Variants in TOPBP1 observed in about 807,000 individuals in gnomAD.
TOPBP1 encodes DNA topoisomerase II binding protein 1, also known as DNA topoisomerase 2-binding protein 1.
TOPBP1 carries 28 observed loss-of-function variants against 167.7 expected under a neutral mutation model. The ratio of observed to expected loss-of-function variants is 0.17; its 90% CI spans 0.12 to 0.23. The LOEUF (loss-of-function observed/expected upper bound fraction) is 0.23, where lower values mean the gene tolerates loss of function less well. TOPBP1 is among the 10% of genes least tolerant of loss of function. The pLI, the probability that TOPBP1 is intolerant of heterozygous loss-of-function variation, is 1.00. For missense variants in TOPBP1, 1,554 were observed against 1,809.6 expected (o/e 0.86, Z 2.56); for synonymous variants, 598 against 611.4 (o/e 0.98, Z 0.32).
intron 3 of TOPBP1, 118 bp downstream of exon 3, chr3:133,658,898 A>G: frequency 8.9e-7 from 1 of 1,119,852 alleles, no homozygotes; most frequent in Non-Finnish European, 1.2e-6. Context: ...AACCAAAAGA[A>G]TTCCAATGTA....
At chr3:133,626,662 G>A (rs1935277082) in intron 16 of TOPBP1, among the ~76,000 whole-genome samples, 1 of 152,234 alleles carries the variant, frequency 6.6e-6, no homozygotes, top group Admixed American at 6.5e-5. Flanking sequence ...TGTTGGATTT[G>A]TGGTGCCTTT....
intron 21 of TOPBP1, among the ~76,000 whole-genome samples, chr3:133,617,687 C>T (rs906377959): frequency 6.6e-6 from 1 of 151,400 alleles, no homozygotes; most frequent in African/African-American, 2.4e-5. Flanking sequence ...AGAGATAAAT[C>T]TATATATCTA....
chr3:133,642,651 T>G (rs1414418707), intron 12 of TOPBP1, among the ~76,000 whole-genome samples: 1 of 152,220 alleles, frequency 6.6e-6, no homozygotes, highest in Non-Finnish European at 1.5e-5. Context: ...TCATGTCTTG[T>G]CCCTTTATTG....
At chr3:133,658,980 T>C (rs749194296) in intron 3 of TOPBP1, 36 bp downstream of exon 3, 17 of 1,551,908 alleles carry the variant, frequency 1.1e-5, no homozygotes, top group South Asian at 8.7e-5. Context: ...AACCAAAAAA[T>C]AGACTACCAA....
Position 133,601,098 on chromosome 3 carries a change from G to A in TOPBP1, c.*152C>T, listed in dbSNP as rs972219541. 2.6e-5 allele frequency: 14 copies of A among 542,748 alleles called. No homozygotes were observed. Among genetic ancestry groups the A allele is most frequent in the Admixed American group, 1.7e-4 (4 of 23,256 alleles). The allele number at this position is 542,748 out of a possible 1,614,324, so 33.6% of individuals were successfully genotyped here. On this transcript the variant is annotated 3_prime_UTR_variant, in exon 28 of 28. Transcript: ENST00000260810. ...AATATTTCAGTGATTACAATTTCAG[G>A]TGTTCAAAACTCAAGAAGGGTCATC...
chr3:133,603,062 A>T (rs1471461310), intron 27 of TOPBP1, among the ~76,000 whole-genome samples: 1 of 151,738 alleles, frequency 6.6e-6, no homozygotes, highest in East Asian at 1.9e-4. Context: ...CACCCAGCTA[A>T]TTTTTGTATT....
At chr3:133,620,857 G>A (rs1424065302) in intron 19 of TOPBP1, among the ~76,000 whole-genome samples, 1 of 152,136 alleles carries the variant, frequency 6.6e-6, no homozygotes, top group Non-Finnish European at 1.5e-5. Context: ...TTACAGGCAT[G>A]AGCCACCGTG....
Position 133,631,762 on chromosome 3 carries a change from C to G in TOPBP1, c.2521-3029G>C, listed in dbSNP as rs1180546598. On this transcript the variant is annotated intron_variant, in intron 14 of 27. Transcript: ENST00000260810. ...AAGTGATTCTCTTGCCTCAGTCTCTCGAGTAGCTGGGATTACAGGCATATG... is the reference window on the plus strand; with the variant it reads ...AAGTGATTCTCTTGCCTCAGTCTCTGGAGTAGCTGGGATTACAGGCATATG... 2.0e-5 allele frequency among the ~76,000 whole-genome samples: 3 copies of G among 152,182 alleles called. No homozygotes were observed. The South Asian group carries it at 6.2e-4, about 32-fold the overall frequency.
Position 133,628,831 on chromosome 3 carries a change from G to A in TOPBP1, c.2521-98C>T, listed in dbSNP as rs891539599. 11 of 1,245,274 alleles carry A rather than the reference G, an allele frequency of 8.8e-6. No homozygotes were observed. In the South Asian group the frequency reaches 1.7e-4, roughly 19 times the overall value. 77.1% of individuals were successfully genotyped at this position (1,245,274 alleles called of 1,614,324 possible). A position where few individuals can be genotyped will look rare whatever the true frequency, so the allele number is the denominator to read the frequency against. ...CAGGAAAAAGAAAGAGGAGGAGAGA[G>A]GGGTAAAGAGAGAGAAGGGGGAGAA... On this transcript the variant is annotated intron_variant, in intron 14 of 27. Coordinates refer to ENST00000260810, the MANE Select transcript of TOPBP1 (RefSeq NM_007027.4).
Position 133,618,331 on chromosome 3 carries a change from G to A in TOPBP1, c.3474C>T (p.Ala1158=), listed in dbSNP as rs760375434. The A allele has an allele frequency of 6.2e-7, 1 of 1,613,836 alleles. No homozygotes were observed. The change falls in exon 21 of 28, where the codon GCC becomes GCT. Residue 1158 remains alanine, a synonymous_variant. Transcript: ENST00000260810. ...GACAACTAGGCCACTGCAAATTGCT[G>A]GCAAGCCTTGCTCTCTCCTCCCTTG... The part of the protein sequence containing the change: ...PTAREERARL[A]SNLQWPSCPT...
At chr3:133,657,656 C>T in intron 4 of TOPBP1, 142 bp downstream of exon 4, 1 of 518,774 alleles carries the variant, frequency 1.9e-6, no homozygotes, top group Non-Finnish European at 3.1e-6. Context: ...TACATATATA[C>T]ACACTGTGGT....
At position 133,639,948 on chromosome 3, in the gene TOPBP1, A is replaced by G. The variant is rs1229655790; in HGVS notation, c.2233+11T>C. On this transcript the variant is annotated intron_variant, in intron 13 of 27. Transcript: ENST00000260810. ...TAAATATATATAAAAGAACAGAATA[A>G]AAGTATTAACCTTCTTTAGTTGAAT... 2.5e-6 allele frequency: 4 copies of G among 1,611,842 alleles called. No homozygotes were observed. The highest frequency in any genetic ancestry group is 3.4e-6 in the Non-Finnish European group (4 of 1,178,842).
At chr3:133,634,252 T>TACA (rs1251522882) in intron 14 of TOPBP1, among the ~76,000 whole-genome samples, 3 of 152,268 alleles carry the variant, frequency 2.0e-5, no homozygotes, top group Non-Finnish European at 4.4e-5. Flanking sequence ...CTCATGCCTG[T>TACA]AATCCCAGCA....
At chr3:133,654,645 T>C (rs536444403) in intron 6 of TOPBP1, among the ~76,000 whole-genome samples, 397 of 152,344 alleles carry the variant, frequency 2.6e-3, no homozygotes, top group Middle Eastern at 6.8e-3. Flanking sequence ...ACTCATCTTT[T>C]ATCAATTTGT....
intron 27 of TOPBP1, among the ~76,000 whole-genome samples, chr3:133,608,147 CCA>C (rs552140993): frequency 2.3e-3 from 346 of 152,168 alleles, no homozygotes; most frequent in Non-Finnish European, 3.9e-3. Flanking sequence ...CTTAAATTTA[CCA>C]CAGTGTCTAA....
rs1184118867 is a variant in TOPBP1, at chr3:133,638,126, T to C, written c.2270A>G (p.Asn757Ser). 2 of 1,613,834 alleles carry C rather than the reference T, an allele frequency of 1.2e-6. No individual in the cohort carries two copies. The highest frequency in any genetic ancestry group is 1.3e-5 in the African/African-American group (1 of 74,942). Residue 757 changes from asparagine (N) to serine (S), a missense_variant, in exon 14 of 28, where the codon AAT becomes AGT. This residue lies in a region of TOPBP1 where 1,197 missense variants were observed against 1,351.5 expected (regional missense o/e 0.89). Transcript: ENST00000260810. ...ATGCTCTGCAGTATCTGAATTTAGATTGATTCCATTTGTTATTTCTGTTTC... is the reference window on the plus strand; with the variant it reads ...ATGCTCTGCAGTATCTGAATTTAGACTGATTCCATTTGTTATTTCTGTTTC... The part of the protein sequence containing the change: ...SLETEITNGI[N>S]LNSDTAEHPG...
At position 133,640,236 on chromosome 3, in the gene TOPBP1, T is replaced by C. The variant is rs1395378007; in HGVS notation, c.2022-66A>G. ...CAATTAACCCGCAAAACTAACAAAATTTCCAACACAACAGTGTGGTTAGAG... is the reference window on the plus strand; with the variant it reads ...CAATTAACCCGCAAAACTAACAAAACTTCCAACACAACAGTGTGGTTAGAG... On this transcript the variant is annotated intron_variant, in intron 12 of 27. Coordinates refer to ENST00000260810, the MANE Select transcript of TOPBP1 (RefSeq NM_007027.4). 2.2e-6 allele frequency: 3 copies of C among 1,369,232 alleles called. No homozygotes were observed. In the African/African-American group the frequency reaches 4.3e-5, roughly 20 times the overall value. The allele number at this position is 1,369,232 out of a possible 1,614,324, so 84.8% of individuals were successfully genotyped here.
intron 17 of TOPBP1, 88 bp downstream of exon 17, chr3:133,623,964 G>C (rs2107788677): frequency 6.9e-7 from 1 of 1,446,926 alleles, no homozygotes; most frequent in African/African-American, 1.4e-5. Flanking sequence ...GTTCCATTGA[G>C]AGTGAAAACT....
At chr3:133,632,593 T>C (rs1237716395) in intron 14 of TOPBP1, among the ~76,000 whole-genome samples, 1 of 152,152 alleles carries the variant, frequency 6.6e-6, no homozygotes, top group East Asian at 1.9e-4. Context: ...GGATTCCTTA[T>C]ATAAAAATCA....
Sources: allele counts gnomAD v4.1 joint callset (sites outside exome capture counted in the v4.1 genomes callset), GRCh38; gene constraint gnomAD v4.1.1; regional missense constraint gnomAD v4.1.1; transcripts MANE v1.5; gene names NCBI Gene and HGNC (gene_info 2026-07-23, HGNC 2026-07-21).